The following CDH9 variants were observed in gnomAD, a reference collection of about 807,000 sequenced individuals.
CDH9 encodes the protein cadherin 9.
CDH9 carries 28 observed loss-of-function variants against 70.9 expected under a neutral mutation model. That is an observed-to-expected ratio of 0.40 (90% CI 0.29 to 0.54). The LOEUF is 0.54. Among genes scored for constraint, CDH9 ranks in the 20% least tolerant of loss-of-function variants. The pLI, the probability that CDH9 is intolerant of heterozygous loss-of-function variation, is 0.59. For synonymous variants in CDH9, 409 were observed against 343.1 expected, an observed-to-expected ratio of 1.19 and a Z score of -2.12; for missense variants, 874 against 984.4, an observed-to-expected ratio of 0.89 and a Z score of 1.50.
At chr5:26,965,394 A>G (rs535519458) in intron 2 of CDH9, among the ~76,000 whole-genome samples, 99 of 151,880 alleles carry the variant, frequency 6.5e-4, no homozygotes, top group African/African-American at 2.3e-3. Context: ...TGGCCAACAT[A>G]GTGAAACCCC....
chr5:26,933,856 A>G (rs1446920866), intron 2 of CDH9, among the ~76,000 whole-genome samples: 1 of 152,138 alleles, frequency 6.6e-6, no homozygotes, highest in Non-Finnish European at 1.5e-5. Flanking sequence ...CTACTATTAG[A>G]TATCACGACT....
At chr5:26,951,089 C>T (rs1477056736) in intron 2 of CDH9, among the ~76,000 whole-genome samples, 1 of 151,670 alleles carries the variant, frequency 6.6e-6, no homozygotes, top group African/African-American at 2.4e-5. Context: ...GTCAGGAGTT[C>T]GAGGCAAGCC....
At chr5:26,919,090 G>C (rs926495100) in intron 2 of CDH9, among the ~76,000 whole-genome samples, 37 of 152,122 alleles carry the variant, frequency 2.4e-4, no homozygotes, top group African/African-American at 8.9e-4. Context: ...CCACAAAAAA[G>C]CTTTCATATG....
At chr5:26,971,534 T>C (rs1045090111) in intron 2 of CDH9, among the ~76,000 whole-genome samples, 3 of 152,184 alleles carry the variant, frequency 2.0e-5, no homozygotes, top group African/African-American at 7.2e-5. Context: ...TCTTGCAACA[T>C]ATTATTTGTA....
chr5:26,894,125 T>C (rs905339733), intron 7 of CDH9, among the ~76,000 whole-genome samples: 1 of 152,168 alleles, frequency 6.6e-6, no homozygotes, highest in African/African-American at 2.4e-5. Context: ...TGGAGCTCAA[T>C]TCATAATATT....
At chr5:26,957,298 A>T (rs2112055699) in intron 2 of CDH9, among the ~76,000 whole-genome samples, 1 of 152,264 alleles carries the variant, frequency 6.6e-6, no homozygotes, top group South Asian at 2.1e-4. Context: ...ATTGAGAAGC[A>T]TTTATATATA....
chr5:27,029,993 C>T (rs959971758), intron 1 of CDH9, among the ~76,000 whole-genome samples: 1 of 151,984 alleles, frequency 6.6e-6, no homozygotes, highest in African/African-American at 2.4e-5. Flanking sequence ...CTTTGTCTCT[C>T]CACTCCACCT....
chr5:27,009,293 T>A (rs1482633470), intron 1 of CDH9, among the ~76,000 whole-genome samples: 3 of 152,066 alleles, frequency 2.0e-5, no homozygotes, highest in Admixed American at 6.6e-5. Context: ...AGAGGAAGCA[T>A]CACAAGACAA....
intron 2 of CDH9, among the ~76,000 whole-genome samples, chr5:26,949,738 GA>G (rs996108511): frequency 6.6e-6 from 1 of 152,184 alleles, no homozygotes; most frequent in African/African-American, 2.4e-5. Flanking sequence ...TCAGCATGAT[GA>G]AAAAGTCTTG....
chr5:27,024,647 T>C (rs1266350009), intron 1 of CDH9, among the ~76,000 whole-genome samples: 1 of 152,112 alleles, frequency 6.6e-6, no homozygotes, highest in Non-Finnish European at 1.5e-5. Flanking sequence ...GATACTTGCA[T>C]TACCACAGTC....
chr5:26,949,860 T>A (rs1476148117), intron 2 of CDH9, among the ~76,000 whole-genome samples: 2 of 152,204 alleles, frequency 1.3e-5, no homozygotes, highest in Non-Finnish European at 2.9e-5. Flanking sequence ...AATTAATTTA[T>A]AAGAACTTTA....
chr5:26,943,436 C>T (rs1741696349), intron 2 of CDH9, among the ~76,000 whole-genome samples: 1 of 151,368 alleles, frequency 6.6e-6, no homozygotes, highest in African/African-American at 2.4e-5. Flanking sequence ...TCGCTTGAAC[C>T]TGGGAGGCGG....
intron 1 of CDH9, among the ~76,000 whole-genome samples, chr5:27,032,456 G>GT (rs1393014673): frequency 2.0e-5 from 3 of 151,538 alleles, no homozygotes; most frequent in Non-Finnish European, 4.4e-5. Flanking sequence ...TAATGCTAGT[G>GT]TATGAAAAAG....
At chr5:26,909,536 C>CT (rs200596019) in intron 3 of CDH9, among the ~76,000 whole-genome samples, 92 of 140,282 alleles carry the variant, frequency 6.6e-4, no homozygotes, top group Admixed American at 7.9e-4. Flanking sequence ...CATTTTTTTT[C>CT]TTTTTTTTTT....
intron 1 of CDH9, among the ~76,000 whole-genome samples, chr5:27,004,014 A>T (rs1470519272): frequency 6.6e-6 from 1 of 151,822 alleles, no homozygotes; most frequent in Non-Finnish European, 1.5e-5. Context: ...GTTCTAAAAA[A>T]TTACGAAGAA....
At chr5:26,909,023 G>A (rs1235635896) in intron 3 of CDH9, among the ~76,000 whole-genome samples, 6 of 152,022 alleles carry the variant, frequency 3.9e-5, no homozygotes, top group African/African-American at 1.4e-4. Context: ...TCACTCTGTA[G>A]CCCAGGCTGG....
chr5:26,960,849 C>T (rs1742022215), intron 2 of CDH9, among the ~76,000 whole-genome samples: 2 of 151,970 alleles, frequency 1.3e-5, no homozygotes, highest in Non-Finnish European at 2.9e-5. Context: ...TTTTCATATG[C>T]ATGTGTATTT....
intron 2 of CDH9, among the ~76,000 whole-genome samples, chr5:26,972,937 C>G (rs1054623479): frequency 6.6e-6 from 1 of 151,442 alleles, no homozygotes; most frequent in Non-Finnish European, 1.5e-5. Flanking sequence ...GATCTCAGCT[C>G]ACTGTAACCT....
At chr5:26,893,943 G>A (rs140321216) in intron 7 of CDH9, among the ~76,000 whole-genome samples, 277 of 151,960 alleles carry the variant, frequency 1.8e-3, no homozygotes, top group African/African-American at 6.2e-3. Flanking sequence ...ATTGATGTTG[G>A]GACCAAATCA....
Sources: gnomAD v4.1 joint callset for allele counts (sites outside exome capture counted in the v4.1 genomes callset) on GRCh38, gnomAD v4.1.1 for gene constraint, MANE v1.5 for transcripts, NCBI Gene and HGNC (gene_info 2026-07-23, HGNC 2026-07-21) for gene names.